Variants in ERBB4 observed in about 807,000 individuals in gnomAD.
The protein encoded by ERBB4 is erb-b2 receptor tyrosine kinase 4, also known as receptor tyrosine-protein kinase erbB-4.
Under a neutral mutation model 158.0 loss-of-function variants are expected in ERBB4, and 42 were observed. That is an observed-to-expected ratio of 0.27 (90% CI 0.21 to 0.34). The LOEUF (loss-of-function observed/expected upper bound fraction) is 0.34, where lower values mean the gene tolerates loss of function less well. Ranked by LOEUF, ERBB4 falls within the 10% of genes least tolerant of loss-of-function variation. ERBB4 has a pLI of 1.00. For missense variants in ERBB4, 1,333 were observed against 1,624.1 expected (o/e 0.82, Z 3.08); for synonymous variants, 583 against 558.7 (o/e 1.04, Z -0.61).
At chr2:212,486,229 G>T (rs1689972139) in intron 1 of ERBB4, among the ~76,000 whole-genome samples, 4 of 152,036 alleles carry the variant, frequency 2.6e-5, no homozygotes, top group South Asian at 2.1e-4. Flanking sequence ...GTAACTGGGG[G>T]TGTATAACTT....
chr2:211,847,418 A>G (rs2077616371), intron 3 of ERBB4, among the ~76,000 whole-genome samples: 1 of 152,144 alleles, frequency 6.6e-6, no homozygotes, highest in African/African-American at 2.4e-5. Flanking sequence ...CTGAGCCCAC[A>G]TGAAGTTACA....
At chr2:212,096,920 A>G (rs540952652) in intron 2 of ERBB4, among the ~76,000 whole-genome samples, 6 of 152,236 alleles carry the variant, frequency 3.9e-5, no homozygotes, top group South Asian at 2.1e-4. Flanking sequence ...CCATTGCTCT[A>G]TTATTATTAT....
chr2:211,513,535 T>C (rs796953689), intron 20 of ERBB4, among the ~76,000 whole-genome samples: 28 of 152,234 alleles, frequency 1.8e-4, no homozygotes, highest in African/African-American at 6.7e-4. Context: ...GTCCCTCTGA[T>C]TCAATTCTAT....
At chr2:211,436,610 C>T (rs1324357858) in intron 20 of ERBB4, among the ~76,000 whole-genome samples, 2 of 152,134 alleles carry the variant, frequency 1.3e-5, no homozygotes, top group East Asian at 3.9e-4. Context: ...ATCAACAATC[C>T]TAGAATGCAC....
At chr2:211,978,392 G>GTCTGTCTA (rs1356980847) in intron 2 of ERBB4, among the ~76,000 whole-genome samples, 2 of 102,316 alleles carry the variant, frequency 2.0e-5, no homozygotes, top group South Asian at 3.6e-4. Context: ...CTGTCTGTCT[G>GTCTGTCTA]TCTGTCTATC....
intron 3 of ERBB4, among the ~76,000 whole-genome samples, chr2:211,845,673 A>T (rs2077571044): frequency 6.6e-6 from 1 of 152,114 alleles, no homozygotes; most frequent in Non-Finnish European, 1.5e-5. Context: ...AACTTTTGTA[A>T]TGGTTTTAGA....
chr2:212,037,432 C>T (rs1248752290), intron 2 of ERBB4, among the ~76,000 whole-genome samples: 1 of 152,160 alleles, frequency 6.6e-6, no homozygotes, highest in Admixed American at 6.5e-5. Context: ...AAGGTAATGA[C>T]AGCATCTCAA....
intron 1 of ERBB4, among the ~76,000 whole-genome samples, chr2:212,474,839 T>TTTTTTTTTTTTTTTTTTTTG (rs1245995165): frequency 7.3e-6 from 1 of 136,158 alleles, no homozygotes; most frequent in African/African-American, 3.4e-5. Context: ...TTTTTTTTTT[T>TTTTTTTTTTTTTTTTTTTTG]TGTCAAGACA....
intron 4 of ERBB4, among the ~76,000 whole-genome samples, chr2:211,772,686 C>A (rs1290600067): frequency 6.7e-6 from 1 of 148,458 alleles, no homozygotes; most frequent in Non-Finnish European, 1.5e-5. Flanking sequence ...CACTCTGTCA[C>A]CCAGGCTGGA....
At chr2:212,147,126 G>T (rs184547879) in intron 1 of ERBB4, among the ~76,000 whole-genome samples, 58 of 144,092 alleles carry the variant, frequency 4.0e-4, no homozygotes, top group Admixed American at 8.3e-4. Context: ...GAGTAGTGGG[G>T]TCTACAGGGG....
intron 3 of ERBB4, among the ~76,000 whole-genome samples, chr2:211,796,404 A>G (rs2076383857): frequency 6.6e-6 from 1 of 152,006 alleles, no homozygotes; most frequent in Non-Finnish European, 1.5e-5. Flanking sequence ...GCTATTATAA[A>G]TAACTGCTGC....
intron 2 of ERBB4, among the ~76,000 whole-genome samples, chr2:211,968,026 CAT>C (rs905632320): frequency 4.0e-5 from 6 of 151,862 alleles, no homozygotes; most frequent in Non-Finnish European, 8.8e-5. Flanking sequence ...TATTTAGTAA[CAT>C]TAATTACATT....
intron 20 of ERBB4, among the ~76,000 whole-genome samples, chr2:211,542,546 T>C (rs1343069791): frequency 6.6e-6 from 1 of 152,026 alleles, no homozygotes; most frequent in Non-Finnish European, 1.5e-5. Context: ...CTCAATGCAC[T>C]TAAATATTAA....
chr2:212,122,695 A>T (rs1198976883), intron 2 of ERBB4, among the ~76,000 whole-genome samples: 1 of 152,044 alleles, frequency 6.6e-6, no homozygotes, highest in Non-Finnish European at 1.5e-5. Flanking sequence ...TGCTACTTTC[A>T]TATTGCTAAA....
intron 19 of ERBB4, among the ~76,000 whole-genome samples, chr2:211,568,010 T>C (rs1384155053): frequency 6.6e-6 from 1 of 152,124 alleles, no homozygotes; most frequent in Non-Finnish European, 1.5e-5. Flanking sequence ...GGAGGCAATT[T>C]TGGAATCTTT....
intron 12 of ERBB4, among the ~76,000 whole-genome samples, chr2:211,687,353 C>T (rs1446650242): frequency 6.6e-6 from 1 of 151,106 alleles, no homozygotes; most frequent in Non-Finnish European, 1.5e-5. Context: ...AACCCTCCCA[C>T]AATATTGCCT....
At chr2:212,442,877 T>A (rs922588632) in intron 1 of ERBB4, among the ~76,000 whole-genome samples, 15 of 152,168 alleles carry the variant, frequency 9.9e-5, no homozygotes, top group African/African-American at 3.6e-4. Context: ...GACTTGAAGT[T>A]GCAGGGGTAG....
chr2:211,486,602 G>A (rs768116421), intron 20 of ERBB4, among the ~76,000 whole-genome samples: 8 of 151,814 alleles, frequency 5.3e-5, no homozygotes, highest in Admixed American at 3.9e-4. Context: ...GTGTAGGTTC[G>A]GAGCCTTGGC....
chr2:211,440,754 G>A (rs1041156594), intron 20 of ERBB4, among the ~76,000 whole-genome samples: 4 of 152,108 alleles, frequency 2.6e-5, no homozygotes, highest in Admixed American at 1.3e-4. Flanking sequence ...TATATGTCCA[G>A]GTGGTTGAGT....
Sources: allele counts gnomAD v4.1 joint callset (sites outside exome capture counted in the v4.1 genomes callset), GRCh38; gene constraint gnomAD v4.1.1; transcripts MANE v1.5; gene names NCBI Gene and HGNC (gene_info 2026-07-23, HGNC 2026-07-21).